Variants in PTPN13 observed in about 807,000 individuals in gnomAD.
PTPN13 encodes protein tyrosine phosphatase non-receptor type 13, also known as tyrosine-protein phosphatase non-receptor type 13.
Under a neutral mutation model 284.0 loss-of-function variants are expected in PTPN13, and 191 were observed. That is an observed-to-expected ratio of 0.67 (90% CI 0.60 to 0.76). The LOEUF (loss-of-function observed/expected upper bound fraction) is 0.76, where lower values mean the gene tolerates loss of function less well. PTPN13 is among the 30% of genes least tolerant of loss of function. PTPN13 has a pLI of 0.00. For synonymous variants in PTPN13, 986 were observed against 1,022.3 expected (o/e 0.96, Z 0.68); for missense variants, 2,797 against 2,939.9 (o/e 0.95, Z 1.12).
chr4:86,621,341 T>A (rs1163430030), intron 1 of PTPN13, among the ~76,000 whole-genome samples: 5 of 152,222 alleles, frequency 3.3e-5, no homozygotes, highest in Admixed American at 6.5e-5. Flanking sequence ...TAAGTTCAGT[T>A]CCACTCTCAA....
At chr4:86,718,842 A>T (rs1241527978) in intron 9 of PTPN13, among the ~76,000 whole-genome samples, 1 of 152,136 alleles carries the variant, frequency 6.6e-6, no homozygotes, top group Non-Finnish European at 1.5e-5. Flanking sequence ...AACTCCAGTA[A>T]GTATTCATTT....
intron 20 of PTPN13, among the ~76,000 whole-genome samples, chr4:86,755,449 A>G (rs984407382): frequency 2.0e-5 from 3 of 151,910 alleles, no homozygotes; most frequent in Non-Finnish European, 4.4e-5. Context: ...ATTGATTTTA[A>G]TGTTTCTTGT....
At position 86,662,414 on chromosome 4, in the gene PTPN13, C is replaced by A. The variant is rs533968372; in HGVS notation, c.116-9951C>A. Among the ~76,000 whole-genome samples the A allele has an allele frequency of 3.6e-3, 547 of 152,020 alleles. 3 individuals carry two copies. Among genetic ancestry groups the A allele is most frequent in the African/African-American group, 0.013 (519 of 41,508 alleles). On this transcript the variant is annotated intron_variant, in intron 2 of 47. Transcript: ENST00000411767. ...TGGTGCAATCTCGGCTCACTGTAAC[C>A]CCCGCCTCCCAAGTTCAAGTGATTC...
intron 3 of PTPN13, among the ~76,000 whole-genome samples, chr4:86,674,711 A>G (rs1342162524): frequency 6.6e-6 from 1 of 152,230 alleles, no homozygotes; most frequent in Non-Finnish European, 1.5e-5. Flanking sequence ...CCATTACATA[A>G]GATGAAGTAT....
At chr4:86,766,613 G>T in intron 27 of PTPN13, 96 bp downstream of exon 27, 1 of 889,044 alleles carries the variant, frequency 1.1e-6, no homozygotes, top group Non-Finnish European at 1.6e-6. Context: ...AAATTTGTCA[G>T]CTAATCAAGA....
intron 1 of PTPN13, among the ~76,000 whole-genome samples, chr4:86,625,656 G>T (rs889213855): frequency 6.6e-6 from 1 of 152,004 alleles, no homozygotes; most frequent in African/African-American, 2.4e-5. Flanking sequence ...AAGTCTAAAG[G>T]CTTGTTGGTA....
intron 28 of PTPN13, among the ~76,000 whole-genome samples, 158 bp downstream of exon 28, chr4:86,768,134 CAG>C (rs1739543956): frequency 6.6e-6 from 1 of 152,084 alleles, no homozygotes; most frequent in Non-Finnish European, 1.5e-5. Context: ...TGAATAAAGA[CAG>C]AAACATATTT....
At chr4:86,685,066 C>T (rs891917447) in intron 3 of PTPN13, among the ~76,000 whole-genome samples, 1 of 152,230 alleles carries the variant, frequency 6.6e-6, no homozygotes, top group Non-Finnish European at 1.5e-5. Context: ...GCTTTAGCTT[C>T]AATCTCCTTA....
Position 86,771,543 on chromosome 4 carries a change from C to A in PTPN13, c.5168+8C>A. 1 of 1,563,302 alleles carries A rather than the reference C, an allele frequency of 6.4e-7. No homozygotes were observed. Among genetic ancestry groups the A allele is most frequent in the South Asian group, 1.2e-5 (1 of 84,186 alleles). On this transcript the variant is annotated splice_region_variant and intron_variant, in intron 31 of 47. Transcript: ENST00000411767. ...ACCAGAGTTTGAGGACAGGTATCATCAATATAATGTGAACCGCTCAAAGCA... is the reference window on the plus strand; with the variant it reads ...ACCAGAGTTTGAGGACAGGTATCATAAATATAATGTGAACCGCTCAAAGCA...
chr4:86,761,182 TACAC>T (rs1242760401), intron 23 of PTPN13, among the ~76,000 whole-genome samples: 4 of 121,530 alleles, frequency 3.3e-5, no homozygotes, highest in East Asian at 2.8e-4. Flanking sequence ...ACACAACACA[TACAC>T]ACACTATTTT....
chr4:86,724,398 A>G (rs898684424), intron 10 of PTPN13, among the ~76,000 whole-genome samples: 2 of 152,192 alleles, frequency 1.3e-5, no homozygotes, highest in African/African-American at 4.8e-5. Context: ...TTAGAGAGCT[A>G]AGCTAGACTT....
chr4:86,649,404 A>G (rs1277663371), intron 2 of PTPN13, among the ~76,000 whole-genome samples: 2 of 152,124 alleles, frequency 1.3e-5, no homozygotes, highest in South Asian at 2.1e-4. Context: ...TGATTTTTGT[A>G]TAAGGCAAGA....
Position 86,758,735 on chromosome 4 carries a change from G to A in PTPN13, c.3371G>A (p.Ser1124Asn), listed in dbSNP as rs1261487541. Residue 1124 changes from serine to asparagine, a missense_variant, in exon 22 of 48, where the codon AGT becomes AAT. Ser to Asn is a conservative substitution (Grantham distance 46). Transcript: ENST00000411767. ...MGRLDLGIFI[S>N]SVAPGGPADL... ...AGACTGGACCTAGGCATATTTATCAGTTCAGTTGCCCCTGGAGGACCAGCT... is the reference window on the plus strand; with the variant it reads ...AGACTGGACCTAGGCATATTTATCAATTCAGTTGCCCCTGGAGGACCAGCT... 2 of 1,613,818 alleles carry A rather than the reference G, an allele frequency of 1.2e-6. No individual in the cohort carries two copies. Among genetic ancestry groups the A allele is most frequent in the Non-Finnish European group, 1.7e-6 (2 of 1,179,772 alleles).
chr4:86,807,038 T>C (rs552962546), intron 44 of PTPN13, among the ~76,000 whole-genome samples: 30 of 152,324 alleles, frequency 2.0e-4, no homozygotes, highest in Non-Finnish European at 3.1e-4. Context: ...TGGCTGCTTA[T>C]TAAAAGAATA....
At chr4:86,761,928 C>T (rs1054766972) in intron 23 of PTPN13, among the ~76,000 whole-genome samples, 21 of 152,062 alleles carry the variant, frequency 1.4e-4, no homozygotes, top group East Asian at 3.9e-4. Flanking sequence ...TTCCTTTACA[C>T]GTGTCTTTGG....
intron 21 of PTPN13, 45 bp downstream of exon 21, chr4:86,758,394 T>C: frequency 7.5e-6 from 11 of 1,474,448 alleles, no homozygotes; most frequent in Non-Finnish European, 9.4e-6. Flanking sequence ...TGTTGGGGAT[T>C]CAGAGGAAAA....
intron 2 of PTPN13, among the ~76,000 whole-genome samples, chr4:86,647,558 T>TA (rs1436379832): frequency 1.3e-5 from 2 of 151,932 alleles, no homozygotes; most frequent in Non-Finnish European, 2.9e-5. Flanking sequence ...TTAAAAATTT[T>TA]AAAAAACATT....
intron 3 of PTPN13, among the ~76,000 whole-genome samples, chr4:86,674,613 A>G (rs1050567235): frequency 2.6e-5 from 4 of 152,216 alleles, no homozygotes; most frequent in Admixed American, 2.0e-4. Flanking sequence ...GAGCTACTTA[A>G]GAATTTTGAG....
chr4:86,755,354 C>T (rs971277967), intron 20 of PTPN13, among the ~76,000 whole-genome samples: 1 of 143,586 alleles, frequency 7.0e-6, no homozygotes, highest in African/African-American at 2.5e-5. Context: ...AAAAGTTGCT[C>T]AACTTAAAAA....
Sources: allele counts gnomAD v4.1 joint callset (sites outside exome capture counted in the v4.1 genomes callset), GRCh38; gene constraint gnomAD v4.1.1; transcripts MANE v1.5; gene names NCBI Gene and HGNC (gene_info 2026-07-23, HGNC 2026-07-21).